The following CNOT4 variants were observed in gnomAD, a reference collection of about 807,000 sequenced individuals.
CNOT4 encodes the protein CCR4-NOT transcription complex subunit 4.
Under a neutral mutation model 73.8 loss-of-function variants are expected in CNOT4, and 8 were observed. The ratio of observed to expected loss-of-function variants is 0.11; its 90% CI spans 0.06 to 0.20. CNOT4 has a LOEUF of 0.20. CNOT4 is among the 10% of genes least tolerant of loss of function. The probability of loss-of-function intolerance (pLI) is 1.00; values close to 1 mark genes in which losing one functional copy is unlikely to be tolerated. For missense variants in CNOT4, 564 were observed against 883.4 expected, an observed-to-expected ratio of 0.64 and a Z score of 4.58; for synonymous variants, 293 against 321.1, an observed-to-expected ratio of 0.91 and a Z score of 0.94.
intron 1 of CNOT4, among the ~76,000 whole-genome samples, chr7:135,453,176 T>C (rs1346932904): frequency 6.6e-6 from 1 of 152,200 alleles, no homozygotes; most frequent in Non-Finnish European, 1.5e-5. Flanking sequence ...GAGATACTTC[T>C]GTACATCAAT....
intron 10 of CNOT4, chr7:135,388,418 A>T (rs945714953): frequency 7.1e-6 from 7 of 983,896 alleles, no homozygotes; most frequent in Non-Finnish European, 8.5e-6. Context: ...AGATTAGGAT[A>T]TTATTTTTTC....
At chr7:135,421,993 G>A (rs1325970242) in intron 3 of CNOT4, among the ~76,000 whole-genome samples, 163 bp downstream of exon 3, 9 of 152,142 alleles carry the variant, frequency 5.9e-5, no homozygotes, top group Non-Finnish European at 1.2e-4. Flanking sequence ...ATCACGACTG[G>A]TCATTGGTTT....
At chr7:135,435,577 C>T (rs1799106509) in intron 2 of CNOT4, among the ~76,000 whole-genome samples, 1 of 152,288 alleles carries the variant, frequency 6.6e-6, no homozygotes, top group Middle Eastern at 3.4e-3. Context: ...CCGAAAGGTA[C>T]CAATGATAGT....
At chr7:135,495,122 A>C (rs1180613217) in intron 1 of CNOT4, among the ~76,000 whole-genome samples, 1 of 152,238 alleles carries the variant, frequency 6.6e-6, no homozygotes, top group Non-Finnish European at 1.5e-5. Flanking sequence ...CATGGTTAGC[A>C]AGTAGCAGAG....
At chr7:135,441,162 T>TAGAC in intron 1 of CNOT4, among the ~76,000 whole-genome samples, 1 of 152,140 alleles carries the variant, frequency 6.6e-6, no homozygotes, top group Non-Finnish European at 1.5e-5. Context: ...AAAATGTTGT[T>TAGAC]ATTTCACAAA....
At chr7:135,388,757 C>A in intron 10 of CNOT4, 1 of 1,581,858 alleles carries the variant, frequency 6.3e-7, no homozygotes, top group Non-Finnish European at 8.6e-7. Context: ...CCCATGCAAG[C>A]ACCCCAGAGT....
In CNOT4 at chr7:135,447,184, C is replaced by CAA. The variant is rs1306351001; in HGVS notation, c.-92-8762_-92-8761insTT. ...CAGCACTTTAAGTTGTCCATTGTTT[C>CAA]TGTATTAGACACATTTCACAAAGCA... is the stretch of plus-strand genomic sequence containing the variant. On this transcript the variant is annotated intron_variant, in intron 1 of 11. Coordinates refer to ENST00000541284, the MANE Select transcript of CNOT4 (RefSeq NM_001190850.2). 2.1e-4 allele frequency among the ~76,000 whole-genome samples: 22 copies of CAA among 106,694 alleles called. 6 individuals are homozygous for CAA. Among genetic ancestry groups the CAA allele is most frequent in the Non-Finnish European group, 4.1e-4 (17 of 41,190 alleles). 70.0% of individuals were successfully genotyped at this position (106,694 alleles called of 152,430 possible).
intron 7 of CNOT4, among the ~76,000 whole-genome samples, chr7:135,400,757 T>C (rs1796963582): frequency 6.6e-6 from 1 of 152,184 alleles, no homozygotes; most frequent in Non-Finnish European, 1.5e-5. Flanking sequence ...AATTTGTAGA[T>C]TGTGTTATCT....
chr7:135,388,581 G>A lies in CNOT4; in HGVS notation c.1627+5337C>T, dbSNP rs1184987053. On this transcript the variant is annotated intron_variant, in intron 10 of 11. Coordinates refer to ENST00000541284, the MANE Select transcript of CNOT4 (RefSeq NM_001190850.2). ...AATAGTATCACTCATGAGAAACAAT[G>A]CCAAAATTATTACACTAATAAATTA... 13 of 1,152,462 alleles carry A rather than the reference G, an allele frequency of 1.1e-5. No homozygotes were observed. In the East Asian group the frequency reaches 5.2e-4, roughly 46 times the overall value. 71.4% of individuals were successfully genotyped at this position (1,152,462 alleles called of 1,614,324 possible).
chr7:135,440,329 CTT>C (rs538595282), intron 1 of CNOT4, among the ~76,000 whole-genome samples: 38 of 137,684 alleles, frequency 2.8e-4, no homozygotes, highest in Admixed American at 3.6e-4. Flanking sequence ...AGCCAGGTAA[CTT>C]TTTTTTTTTT....
chr7:135,432,116 A>G (rs1453965243), intron 2 of CNOT4, among the ~76,000 whole-genome samples: 2 of 152,230 alleles, frequency 1.3e-5, no homozygotes, highest in African/African-American at 4.8e-5. Context: ...ACTTACAATA[A>G]TAAAGACAGT....
At chr7:135,473,674 G>C (rs1264746771) in intron 1 of CNOT4, among the ~76,000 whole-genome samples, 1 of 152,170 alleles carries the variant, frequency 6.6e-6, no homozygotes, top group African/African-American at 2.4e-5. Context: ...TTGAGGCCAG[G>C]AGAAGGAGGC....
chr7:135,418,445 C>T (rs1025104496), intron 3 of CNOT4, among the ~76,000 whole-genome samples: 2 of 152,154 alleles, frequency 1.3e-5, no homozygotes, highest in Admixed American at 1.3e-4. Flanking sequence ...AAGGGCATGT[C>T]TAGTACCAAA....
At chr7:135,423,985 T>C (rs999400017) in intron 2 of CNOT4, among the ~76,000 whole-genome samples, 4 of 150,316 alleles carry the variant, frequency 2.7e-5, no homozygotes, top group Non-Finnish European at 1.5e-5. Flanking sequence ...CTCTCCAGAA[T>C]TGAAAACTCA....
rs1343430471 is a variant in CNOT4 at position 135,364,633 on chromosome 7, A to G, written c.1628-567T>C. On this transcript the variant is annotated intron_variant, in intron 10 of 11. Coordinates refer to ENST00000541284, the MANE Select transcript of CNOT4 (RefSeq NM_001190850.2). The surrounding 1 kb of genome is among the most constrained non-coding windows in gnomAD (Gnocchi z 4.3). Reference sequence around the variant, plus strand: ...GAACAGGCTTTTGAATTTGAAAAGAATGTATTTCCATTTAGTCACTAAGGC... The same window carrying G: ...GAACAGGCTTTTGAATTTGAAAAGAGTGTATTTCCATTTAGTCACTAAGGC... Among the ~76,000 whole-genome samples, 1 of 152,230 alleles carries G rather than the reference A, an allele frequency of 6.6e-6. No homozygotes were observed. The highest frequency in any genetic ancestry group is 6.5e-5 in the Admixed American group (1 of 15,286).
At chr7:135,366,973 C>T (rs1226983694) in intron 10 of CNOT4, among the ~76,000 whole-genome samples, 1 of 152,122 alleles carries the variant, frequency 6.6e-6, no homozygotes, top group African/African-American at 2.4e-5. Context: ...TTCTTTGAAA[C>T]ACATACAGCA....
chr7:135,389,890 A>G (rs894452890), intron 10 of CNOT4, among the ~76,000 whole-genome samples: 2 of 152,186 alleles, frequency 1.3e-5, no homozygotes, highest in African/African-American at 2.4e-5. Context: ...GTCAATCCAT[A>G]TAACAGGTGA....
intron 4 of CNOT4, among the ~76,000 whole-genome samples, chr7:135,414,942 TC>T (rs1291373667): frequency 6.6e-6 from 1 of 151,964 alleles, no homozygotes; most frequent in Non-Finnish European, 1.5e-5. Flanking sequence ...CACCTCCCCC[TC>T]CCTTTCACTC....
At chr7:135,509,166 G>GA (rs1377709560) in intron 1 of CNOT4, 1 of 152,280 alleles carries the variant, frequency 6.6e-6, no homozygotes, top group Non-Finnish European at 1.5e-5. Flanking sequence ...ATCTGTACAG[G>GA]AAAGAGGGAA....
Sources: gnomAD v4.1 joint callset for allele counts (sites outside exome capture counted in the v4.1 genomes callset) on GRCh38, gnomAD v4.1.1 for gene constraint, Gnocchi (gnomAD v3.1) non-coding constraint, MANE v1.5 for transcripts, NCBI Gene and HGNC (gene_info 2026-07-23, HGNC 2026-07-21) for gene names.